GALNT3: variants seen among roughly 807,000 people sequenced by gnomAD.
GALNT3 encodes GalNAc transferase 3.
A neutral mutation model predicts 69.8 loss-of-function variants in GALNT3; 51 were observed. The ratio of observed to expected loss-of-function variants is 0.73; its 90% confidence interval spans 0.58 to 0.92. The LOEUF (loss-of-function observed/expected upper bound fraction) is 0.92. Ranked by LOEUF, GALNT3 falls within the 40% of genes least tolerant of loss-of-function variation. The pLI is 0.00. For synonymous variants in GALNT3, 265 were observed against 248.5 expected (o/e 1.07, Z -0.63); for missense variants, 711 against 760.0 (o/e 0.94, Z 0.76).
chr2:165,780,620 T>G (rs188915101), intron 1 of GALNT3, among the ~76,000 whole-genome samples: 1 of 152,280 alleles, frequency 6.6e-6, no homozygotes, highest in African/African-American at 2.4e-5. Flanking sequence ...TTCAGATTCA[T>G]CTGCAAATCA....
chr2:165,772,782 T>C (rs1248860757), intron 1 of GALNT3, among the ~76,000 whole-genome samples: 1 of 152,052 alleles, frequency 6.6e-6, no homozygotes, highest in Non-Finnish European at 1.5e-5. Flanking sequence ...AGTCCTTGAG[T>C]ACAGCATAAG....
intron 2 of GALNT3, among the ~76,000 whole-genome samples, chr2:165,769,277 A>G (rs948994235): frequency 2.7e-5 from 4 of 146,878 alleles, no homozygotes; most frequent in Non-Finnish European, 4.5e-5. Context: ...GTGGTGCCAC[A>G]TGCCTGTAGT....
In GALNT3 at chr2:165,754,654, A is replaced by G. The variant is rs1688413393; in HGVS notation, c.1599T>C (p.Tyr533=). 21 of 1,613,282 alleles carry G rather than the reference A, an allele frequency of 1.3e-5. No individual in the cohort carries two copies. The highest frequency in any genetic ancestry group is 1.8e-5 in the Non-Finnish European group (21 of 1,179,516). Residue 533 remains tyrosine, a synonymous_variant, in exon 9 of 11, where the codon TAT becomes TAC. Coordinates refer to ENST00000392701, the MANE Select transcript of GALNT3 (RefSeq NM_004482.4). ...NNQGGKPLIM[Y]TCHGLGGNQY... is the part of the protein sequence containing the mutation. The stretch of plus-strand genomic sequence containing the variant: ...GGTTTCCCCCAAGTCCATGACATGT[A>G]TACATAATTAATGGTTTGCCTCCTT...
Position 165,759,508 on chromosome 2 carries a change from C to T in GALNT3, c.901G>A (p.Val301Ile), listed in dbSNP as rs143647583. 539 of 1,614,048 alleles carry T rather than the reference C, an allele frequency of 3.3e-4. 1 individual carries two copies. The African/African-American group carries it at 6.6e-3, about 20-fold the overall frequency. ...LARIAENYTA[V>I]VSPDIASIDL... ...ATGGATGCAATATCTGGACTTACGA[C>T]AGCCGTGTAGTTCTCAGCTATTCTG... The change falls in exon 5 of 11, where the codon GTC becomes ATC. Residue 301 changes from valine to isoleucine, a missense_variant. Physicochemically the swap from Val to Ile is conservative, Grantham distance 29 (BLOSUM62 3). Coordinates refer to ENST00000392701, the MANE Select transcript of GALNT3 (RefSeq NM_004482.4).
intron 9 of GALNT3, among the ~76,000 whole-genome samples, chr2:165,752,529 A>AT (rs2105400843): frequency 6.6e-6 from 1 of 152,286 alleles, no homozygotes; most frequent in African/African-American, 2.4e-5. Context: ...ATGTTTTCCC[A>AT]TCCCCCAATT....
chr2:165,755,954 T>C (rs1446985629), intron 7 of GALNT3, among the ~76,000 whole-genome samples: 2 of 152,144 alleles, frequency 1.3e-5, no homozygotes, highest in Non-Finnish European at 2.9e-5. Flanking sequence ...TGTGCCCCTT[T>C]GTGGGGGACA....
At chr2:165,779,301 T>C (rs1385689609) in intron 1 of GALNT3, among the ~76,000 whole-genome samples, 1 of 152,150 alleles carries the variant, frequency 6.6e-6, no homozygotes, top group Non-Finnish European at 1.5e-5. Context: ...CCCAGCTCCA[T>C]TATTACAGAG....
At chr2:165,781,053 T>A (rs548531668) in intron 1 of GALNT3, among the ~76,000 whole-genome samples, 1 of 152,086 alleles carries the variant, frequency 6.6e-6, no homozygotes, top group Non-Finnish European at 1.5e-5. Context: ...AAACCCTAGA[T>A]GTCTGTATTG....
At chr2:165,780,510 C>G (rs539892374) in intron 1 of GALNT3, among the ~76,000 whole-genome samples, 29 of 152,280 alleles carry the variant, frequency 1.9e-4, no homozygotes, top group African/African-American at 6.5e-4. Flanking sequence ...CAAATCTCTG[C>G]CTACAGAAAA....
chr2:165,757,240 T>G lies in GALNT3; in HGVS notation c.1199A>C (p.Gln400Pro), dbSNP rs1688462762. 6.2e-7 allele frequency: 1 copy of G among 1,613,496 alleles called. No homozygotes were observed. Among genetic ancestry groups the G allele is most frequent in the African/African-American group, 1.3e-5 (1 of 74,928 alleles). ...ENIEMSFRVW[Q>P]CGGQLEIMPC... is the part of the protein sequence containing the mutation. Reference sequence around the variant, plus strand: ...CATAATCTCCAACTGCCCACCACATTGCCATACCTGATAATTAATGATATT... The same window carrying G: ...CATAATCTCCAACTGCCCACCACATGGCCATACCTGATAATTAATGATATT... Residue 400 changes from glutamine (Q) to proline (P), a missense_variant, in exon 7 of 11, where the codon CAA becomes CCA. By Grantham distance (76) the Gln-to-Pro change is moderately conservative (BLOSUM62 -1). Coordinates refer to ENST00000392701, the MANE Select transcript of GALNT3 (RefSeq NM_004482.4).
rs1688728532 is a variant in GALNT3, at chr2:165,770,358, G to A, written c.343C>T (p.Pro115Ser). The change falls in exon 2 of 11, where the codon CCT (proline) becomes TCT (serine). Residue 115 changes from proline to serine, a missense_variant. By Grantham distance (74) the Pro-to-Ser change is moderately conservative. Coordinates refer to ENST00000392701, the MANE Select transcript of GALNT3 (RefSeq NM_004482.4). ...GCACCAGGTGCATTTGAATCCTGAG[G>A]TGGACGGTCAAGGACAGGCTTCAAT... is the stretch of plus-strand genomic sequence containing the variant. ...AELKPVLDRP[P>S]QDSNAPGASG... 1.2e-6 allele frequency: 2 copies of A among 1,614,116 alleles called. No individual in the cohort carries two copies. Among genetic ancestry groups the A allele is most frequent in the Non-Finnish European group, 1.7e-6 (2 of 1,180,024 alleles).
intron 3 of GALNT3, among the ~76,000 whole-genome samples, chr2:165,762,505 T>C (rs1688569726): frequency 6.6e-6 from 1 of 152,236 alleles, no homozygotes; most frequent in African/African-American, 2.4e-5. Context: ...AGACCTCTGA[T>C]ATTTAAGCAA....
Position 165,759,328 on chromosome 2 carries a change from C to T in GALNT3, c.1073+8G>A. 2 of 1,597,788 alleles carry T rather than the reference C, an allele frequency of 1.3e-6. No homozygotes were observed. Among genetic ancestry groups the T allele is most frequent in the African/African-American group, 1.3e-5 (1 of 74,680 alleles). The stretch of plus-strand genomic sequence containing the variant: ...GTAAATATAAGACTCTGAGAGCAAT[C>T]ATCTTACTTAATTGGGTAGGTTTCA... On this transcript the variant is annotated splice_region_variant and intron_variant, in intron 5 of 10. Transcript: ENST00000392701.
rs1688290406 is a variant in GALNT3, at chr2:165,747,980, A to G, written c.*801T>C. The G allele has an allele frequency of 5.7e-6, 1 of 176,438 alleles. No individual in the cohort carries two copies. The highest frequency in any genetic ancestry group is 2.4e-5 in the African/African-American group (1 of 42,270). 10.9% of individuals were successfully genotyped at this position (176,438 alleles called of 1,614,324 possible). A position where few individuals can be genotyped will look rare whatever the true frequency, so the allele number is the denominator to read the frequency against. ...GCATTTGAAATTTAATATCACAAAC[A>G]TTCAAGATTAGTGAATTTTGGTAAG... On this transcript the variant is annotated 3_prime_UTR_variant, in exon 11 of 11. Coordinates refer to ENST00000392701, the MANE Select transcript of GALNT3 (RefSeq NM_004482.4).
chr2:165,781,370 G>A (rs996695474), intron 1 of GALNT3, among the ~76,000 whole-genome samples: 13 of 152,088 alleles, frequency 8.5e-5, no homozygotes, highest in African/African-American at 3.1e-4. Context: ...TGAGGTAGGC[G>A]AATTGCTTGA....
intron 1 of GALNT3, among the ~76,000 whole-genome samples, chr2:165,780,872 C>T (rs999282373): frequency 3.3e-5 from 5 of 152,088 alleles, no homozygotes; most frequent in African/African-American, 1.2e-4. Context: ...TGCTGTTGTA[C>T]ATCGCTAACC....
At chr2:165,768,110 A>C (rs1031239785) in intron 2 of GALNT3, among the ~76,000 whole-genome samples, 9 of 152,152 alleles carry the variant, frequency 5.9e-5, no homozygotes, top group Non-Finnish European at 8.8e-5. Context: ...TCATGCCTTT[A>C]ATCCCAGCAC....
intron 9 of GALNT3, 75 bp downstream of exon 9, chr2:165,754,552 T>A: frequency 9.4e-7 from 1 of 1,066,382 alleles, no homozygotes; most frequent in Non-Finnish European, 1.4e-6. Context: ...GCTGTGGGAC[T>A]TCTGAAAAAT....
Position 165,748,815 on chromosome 2 carries a change from G to A in GALNT3, c.1868C>T (p.Pro623Leu). 6.2e-7 allele frequency: 1 copy of A among 1,611,696 alleles called. No individual in the cohort carries two copies. The highest frequency in any genetic ancestry group is 8.5e-7 in the Non-Finnish European group (1 of 1,178,520). Residue 623 changes from proline (P) to leucine (L), a missense_variant, in exon 11 of 11, where the codon CCA becomes CTA. Transcript: ENST00000392701. ...PSLVSCNPSD[P>L]LQKWILSQND ...TTGGCTAAGTATCCATTTTTGGAGT[G>A]GATCTGATGGGTTGCATGACACTAA... is the stretch of plus-strand genomic sequence containing the variant.
Sources: allele counts gnomAD v4.1 joint callset (sites outside exome capture counted in the v4.1 genomes callset), GRCh38; gene constraint gnomAD v4.1.1; transcripts MANE v1.5; gene names NCBI Gene and HGNC (gene_info 2026-07-23, HGNC 2026-07-21).